The following NKAIN1 variants were observed in gnomAD, a reference collection of about 807,000 sequenced individuals.
The protein encoded by NKAIN1 is sodium/potassium-transporting ATPase subunit beta-1-interacting protein 1.
NKAIN1 carries 13 observed loss-of-function variants against 31.6 expected under a neutral mutation model. The ratio of observed to expected loss-of-function variants is 0.41; its 90% CI spans 0.27 to 0.65. NKAIN1 has a LOEUF of 0.65. Among genes scored for constraint, NKAIN1 ranks in the 30% least tolerant of loss-of-function variants. The pLI is 0.30. For synonymous variants in NKAIN1, 104 were observed against 109.0 expected (o/e 0.95, Z 0.28); for missense variants, 193 against 262.2 (o/e 0.74, Z 1.82).
chr1:31,202,975 T>TA (rs34702847), intron 1 of NKAIN1, among the ~76,000 whole-genome samples: 1,960 of 104,702 alleles, frequency 0.019, 103 homozygotes, highest in African/African-American at 0.064. Context: ...GATTCCGTCT[T>TA]AAAAAAAAAA....
intron 2 of NKAIN1, 105 bp downstream of exon 2, chr1:31,187,945 T>G: frequency 8.2e-7 from 1 of 1,224,136 alleles, no homozygotes; most frequent in Non-Finnish European, 1.1e-6. Context: ...CCAAGACCAG[T>G]GCCCCAGTGT....
At chr1:31,200,036 C>A (rs1347194966) in intron 1 of NKAIN1, among the ~76,000 whole-genome samples, 1 of 151,886 alleles carries the variant, frequency 6.6e-6, no homozygotes, top group Non-Finnish European at 1.5e-5. Flanking sequence ...CACACACACA[C>A]ACATGCACAC....
intron 1 of NKAIN1, among the ~76,000 whole-genome samples, chr1:31,231,613 C>T (rs1320601656): frequency 6.6e-6 from 1 of 152,208 alleles, no homozygotes; most frequent in Non-Finnish European, 1.5e-5. Context: ...TCACTGCAAG[C>T]TCCGCCTCCT....
chr1:31,185,409 G>A (rs1645234776), intron 2 of NKAIN1, 82 bp from the exon 3 acceptor site: 1 of 1,097,438 alleles, frequency 9.1e-7, no homozygotes, highest in East Asian at 2.6e-5. Context: ...GCTCAGGGAT[G>A]AGGAGATCTG....
At position 31,219,095 on chromosome 1, in the gene NKAIN1, AT is replaced by A. The variant is rs1413111775; in HGVS notation, c.54+20398del. On this transcript the variant is annotated intron_variant, in intron 1 of 6. Transcript: ENST00000373736. ...GGGTCTACCCCTCACATGCCTAAAT[AT>A]CTAAGTTACAAACCAAACTAACAAC... Among the ~76,000 whole-genome samples the A allele has an allele frequency of 2.0e-5, 3 of 152,338 alleles. No homozygotes were observed. The East Asian group carries it at 5.8e-4, about 29-fold the overall frequency.
chr1:31,182,678 C>G, intron 4 of NKAIN1, 88 bp from the exon 5 acceptor site: 1 of 1,452,102 alleles, frequency 6.9e-7, no homozygotes, highest in Non-Finnish European at 9.6e-7. Flanking sequence ...CTCTGACTGG[C>G]AAGGGAGGAG....
In NKAIN1 at chr1:31,189,447, G is replaced by C. The variant is rs185227333; in HGVS notation, c.55-1260C>G. ...TTCTCCTGCCTCAGCCTCCCGAGTA[G>C]CTGGGACTACAGGCACCTGCCACCA... On this transcript the variant is annotated intron_variant, in intron 1 of 6. Transcript: ENST00000373736. Among the ~76,000 whole-genome samples the C allele has an allele frequency of 1.3e-3, 198 of 152,282 alleles. 1 individual carries two copies. Among genetic ancestry groups the C allele is most frequent in the African/African-American group, 4.7e-3 (194 of 41,552 alleles).
intron 1 of NKAIN1, among the ~76,000 whole-genome samples, chr1:31,218,059 TC>T (rs1557659959): frequency 2.5e-4 from 36 of 144,212 alleles, no homozygotes; most frequent in African/African-American, 9.0e-4. Flanking sequence ...TTTCTTTCTT[TC>T]TTTCTTTCTT....
At chr1:31,195,785 C>T (rs1157431962) in intron 1 of NKAIN1, among the ~76,000 whole-genome samples, 4 of 147,812 alleles carry the variant, frequency 2.7e-5, no homozygotes, top group African/African-American at 1.0e-4. Flanking sequence ...CTCAGCCGGG[C>T]GTGGTGGTGC....
chr1:31,232,087 AC>A (rs147089822), intron 1 of NKAIN1, among the ~76,000 whole-genome samples: 61,899 of 141,744 alleles, frequency 0.44, 13,641 homozygotes, highest in African/African-American at 0.51. Context: ...CTAAGTTTTT[AC>A]CTTTTTGTTT....
intron 4 of NKAIN1, 120 bp from the exon 5 acceptor site, chr1:31,182,710 C>T (rs563514801): frequency 1.1e-6 from 1 of 927,926 alleles, no homozygotes; most frequent in South Asian, 1.5e-5. Context: ...TGAAGGCAAA[C>T]CGTAACAACT....
At chr1:31,224,397 GTT>G (rs1156526173) in intron 1 of NKAIN1, among the ~76,000 whole-genome samples, 1 of 152,198 alleles carries the variant, frequency 6.6e-6, no homozygotes, top group Non-Finnish European at 1.5e-5. Flanking sequence ...GCAGTGTGCA[GTT>G]TCGAATACAG....
intron 1 of NKAIN1, among the ~76,000 whole-genome samples, chr1:31,197,818 A>T (rs1645342931): frequency 6.6e-6 from 1 of 152,086 alleles, no homozygotes. Context: ...AAGTGTTGGG[A>T]TTACAGGCAT....
intron 1 of NKAIN1, among the ~76,000 whole-genome samples, chr1:31,218,062 TTCTTTC>T (rs1557659974): frequency 2.5e-4 from 36 of 144,656 alleles, no homozygotes; most frequent in African/African-American, 9.0e-4. Context: ...CTTTCTTTCT[TTCTTTC>T]TTTTTTTTTT....
Position 31,197,493 on chromosome 1 carries a change from G to A in NKAIN1, c.55-9306C>T, listed in dbSNP as rs140859361. On this transcript the variant is annotated intron_variant, in intron 1 of 6. Coordinates refer to ENST00000373736, the MANE Select transcript of NKAIN1 (RefSeq NM_024522.3). ...AAACTCCTGACCTTGTGATTTGCCC[G>A]CCTTGGCCTCCCAAAGTGCTGGGAT... Among the ~76,000 whole-genome samples, 611 of 147,898 alleles carry A rather than the reference G, an allele frequency of 4.1e-3. 34 individuals are homozygous for A. The East Asian group carries it at 0.1, about 24-fold the overall frequency.
chr1:31,198,465 A>G (rs2148354105), intron 1 of NKAIN1, among the ~76,000 whole-genome samples: 1 of 151,972 alleles, frequency 6.6e-6, no homozygotes, highest in East Asian at 1.9e-4. Context: ...AGGAACCTAA[A>G]CTTTAGGTTT....
At chr1:31,230,177 G>C (rs1212015882) in intron 1 of NKAIN1, among the ~76,000 whole-genome samples, 1 of 152,172 alleles carries the variant, frequency 6.6e-6, no homozygotes, top group Non-Finnish European at 1.5e-5. Flanking sequence ...AGAACCTGCA[G>C]CCTCATATCC....
At chr1:31,216,704 T>TATCTATC (rs1645516049) in intron 1 of NKAIN1, among the ~76,000 whole-genome samples, 4 of 43,268 alleles carry the variant, frequency 9.2e-5, no homozygotes, top group African/African-American at 5.5e-4. Context: ...ATTTATTTAT[T>TATCTATC]TATTTATTTA....
At chr1:31,203,071 G>A (rs1339507087) in intron 1 of NKAIN1, among the ~76,000 whole-genome samples, 4 of 149,728 alleles carry the variant, frequency 2.7e-5, no homozygotes, top group Non-Finnish European at 5.9e-5. Context: ...TCAGGAGTTC[G>A]AGACCAGCCT....
Sources: allele counts gnomAD v4.1 joint callset (sites outside exome capture counted in the v4.1 genomes callset), GRCh38; gene constraint gnomAD v4.1.1; transcripts MANE v1.5; gene names NCBI Gene and HGNC (gene_info 2026-07-23, HGNC 2026-07-21).